SLC2A5: variants seen among roughly 807,000 people sequenced by gnomAD.
SLC2A5 encodes solute carrier family 2, facilitated glucose transporter member 5.
A neutral mutation model predicts 50.3 loss-of-function variants in SLC2A5; 56 were observed. That is an observed-to-expected ratio of 1.11 (90% CI 0.90 to 1.39). SLC2A5 has a LOEUF of 1.39. Ranked by LOEUF, SLC2A5 falls within the 40% of genes most tolerant of loss-of-function variation. SLC2A5 has a pLI of 0.00. For missense variants in SLC2A5, 566 were observed against 650.1 expected, an observed-to-expected ratio of 0.87 and a Z score of 1.41; for synonymous variants, 269 against 281.9, an observed-to-expected ratio of 0.95 and a Z score of 0.46.
At chr1:9,090,019 C>A (rs769900491), upstream of SLC2A5, among the ~76,000 whole-genome samples, 1 of 152,148 alleles carries the variant, frequency 6.6e-6, no homozygotes, top group Non-Finnish European at 1.5e-5. Flanking sequence ...AACATTCATC[C>A]GTTTCTGTTG....
chr1:9,042,041 A>G, intron 4 of SLC2A5, 104 bp from the exon 5 acceptor site: 12 of 1,424,486 alleles, frequency 8.4e-6, no homozygotes, highest in Non-Finnish European at 1.1e-5. Context: ...TTGGGCCAGA[A>G]CTCTCTCAAA....
chr1:9,079,059 T>C (rs1312121147), intron 2 of SLC2A5, among the ~76,000 whole-genome samples: 1 of 152,100 alleles, frequency 6.6e-6, no homozygotes, highest in Non-Finnish European at 1.5e-5. Context: ...CTTCCTCTTC[T>C]GTGAAAAGCC....
chr1:9,056,297 G>A (rs903953419), intron 3 of SLC2A5, among the ~76,000 whole-genome samples: 28 of 152,078 alleles, frequency 1.8e-4, no homozygotes, highest in Admixed American at 1.6e-3. Context: ...GCAATTCTCC[G>A]GCCTCAGCCT....
At chr1:9,054,464 A>G (rs982482455) in intron 3 of SLC2A5, among the ~76,000 whole-genome samples, 1 of 152,212 alleles carries the variant, frequency 6.6e-6, no homozygotes, top group East Asian at 1.9e-4. Flanking sequence ...CTGACTTAAA[A>G]TTTTAAATGG....
chr1:9,051,466 C>A (rs1374380836), intron 3 of SLC2A5, among the ~76,000 whole-genome samples: 1 of 152,112 alleles, frequency 6.6e-6, no homozygotes, highest in African/African-American at 2.4e-5. Context: ...AGAAAACAAA[C>A]AACCCAATTT....
In SLC2A5 at chr1:9,047,725, G is replaced by C; in HGVS notation, c.303C>G (p.Ala101=). ...TAGAAAATATGTTGTTGAACAGCAA[G>C]GCCCCTTTTCTGCAGAGGACAAAAT... The part of the protein sequence containing the change: ...PLVNKFGRKG[A]LLFNNIFSIV... Residue 101 remains alanine (A), a synonymous_variant, in exon 4 of 12, where the codon GCC becomes GCG. Transcript: ENST00000377424. 6.2e-7 allele frequency: 1 copy of C among 1,613,484 alleles called. No homozygotes were observed. Among genetic ancestry groups the C allele is most frequent in the Non-Finnish European group, 8.5e-7 (1 of 1,179,734 alleles).
In SLC2A5 at chr1:9,038,815, G is replaced by A; in HGVS notation, c.1098+13C>T. 1 of 1,587,140 alleles carries A rather than the reference G, an allele frequency of 6.3e-7. No individual in the cohort carries two copies. The highest frequency in any genetic ancestry group is 8.6e-7 in the Non-Finnish European group (1 of 1,167,328). On this transcript the variant is annotated intron_variant, in intron 9 of 11. Transcript: ENST00000377424. Reference sequence around the variant, plus strand: ...TGCAGCTCCGGGCTCCTGGGACCCTGGCCTGTCCTCACCTGCAGTGCCAGA... The same window carrying A: ...TGCAGCTCCGGGCTCCTGGGACCCTAGCCTGTCCTCACCTGCAGTGCCAGA...
In SLC2A5 at chr1:9,057,447, C is replaced by G. The variant is rs748438471; in HGVS notation, c.293+1G>C. On this transcript the variant is annotated splice_donor_variant, in intron 3 of 11. Transcript: ENST00000377424. LOFTEE classifies it high-confidence loss of function. ...GGAATTAAAAATTCACCTTCCCTTA[C>G]CTGCCAAATTTATTCACCAAGGGGC... The G allele has an allele frequency of 1.9e-6, 3 of 1,608,030 alleles. No homozygotes were observed. The East Asian group carries it at 6.7e-5, about 36-fold the overall frequency.
At chr1:9,068,315 G>C (rs546777823) in intron 1 of SLC2A5, among the ~76,000 whole-genome samples, 1 of 151,964 alleles carries the variant, frequency 6.6e-6, no homozygotes, top group East Asian at 1.9e-4. Flanking sequence ...CCTATGAGGC[G>C]GTATGGTTAT....
chr1:9,038,213 C>T lies in SLC2A5; in HGVS notation c.1175-189G>A, dbSNP rs875995. 0.29 allele frequency among the ~76,000 whole-genome samples: 44,627 copies of T among 152,102 alleles called. 6,985 individuals carry two copies. The highest frequency in any genetic ancestry group is 0.4 in the African/African-American group (16,472 of 41,480). On this transcript the variant is annotated intron_variant, in intron 10 of 11. Coordinates refer to ENST00000377424, the MANE Select transcript of SLC2A5 (RefSeq NM_003039.3). ...GGCAGGCCAGCAACCACCCGTTAGG[C>T]CCACTCTGCTGCCTGCACAGTCTGT...
At chr1:9,068,710 C>T (rs1038465825) in intron 1 of SLC2A5, among the ~76,000 whole-genome samples, 5 of 152,100 alleles carry the variant, frequency 3.3e-5, no homozygotes, top group African/African-American at 9.7e-5. Context: ...CCTCAGCCTC[C>T]CAAGACCCAC....
At chr1:9,070,817 A>G (rs1642198037), upstream of SLC2A5, among the ~76,000 whole-genome samples, 1 of 151,436 alleles carries the variant, frequency 6.6e-6, no homozygotes, top group South Asian at 2.1e-4. Context: ...GACTGTGAGA[A>G]GCCTAGCAGC....
rs112267104 is a variant in SLC2A5 at position 9,056,121 on chromosome 1, A to G, written c.293+1327T>C. Among the ~76,000 whole-genome samples, 264 of 152,252 alleles carry G rather than the reference A, an allele frequency of 1.7e-3. 2 individuals are homozygous for G. The highest frequency in any genetic ancestry group is 6.1e-3 in the African/African-American group (255 of 41,552). On this transcript the variant is annotated intron_variant, in intron 3 of 11. Transcript: ENST00000377424. ...TTCTGCTCCATGAGGGCCCACAGGG[A>G]AAACTGTGGGTTCAACACTAATCTC...
chr1:9,041,728 G>C, intron 5 of SLC2A5, 57 bp downstream of exon 5: 1 of 1,613,712 alleles, frequency 6.2e-7, no homozygotes. Flanking sequence ...AACACAAGGA[G>C]GGGGCCAAGG....
rs549155274 is a variant in SLC2A5 at position 9,044,983 on chromosome 1, C to T, written c.418+2627G>A. On this transcript the variant is annotated intron_variant, in intron 4 of 11. Transcript: ENST00000377424. ...CCCCTAATGGCCAGTGTTCTCAAGC[C>T]GTGATCTGAGGACCCAGGGATCCCG... Among the ~76,000 whole-genome samples the T allele has an allele frequency of 9.8e-5, 15 of 152,294 alleles. No homozygotes were observed. The East Asian group carries it at 1.9e-3, about 20-fold the overall frequency.
At chr1:9,086,666 C>T (rs1204744809) in intron 1 of SLC2A5, among the ~76,000 whole-genome samples, 1 of 152,160 alleles carries the variant, frequency 6.6e-6, no homozygotes, top group East Asian at 1.9e-4. Flanking sequence ...GCTGGGATTA[C>T]AGGCGTCAGC....
intron 2 of SLC2A5, among the ~76,000 whole-genome samples, chr1:9,080,538 G>A (rs1388770559): frequency 6.6e-6 from 1 of 152,188 alleles, no homozygotes; most frequent in African/African-American, 2.4e-5. Flanking sequence ...TAACAGGTGT[G>A]AGGTGAGCTC....
chr1:9,079,336 C>T (rs1388787653), intron 2 of SLC2A5, among the ~76,000 whole-genome samples: 1 of 152,104 alleles, frequency 6.6e-6, no homozygotes, highest in East Asian at 1.9e-4. Flanking sequence ...CCTCGCCTAT[C>T]AGAGAGTGCA....
intron 2 of SLC2A5, chr1:9,082,768 A>G (rs986995888): frequency 1.2e-5 from 5 of 427,584 alleles, no homozygotes; most frequent in Non-Finnish European, 2.2e-5. Context: ...AGGCAGCCCA[A>G]CCCTGACCTA....
Sources: allele counts gnomAD v4.1 joint callset (sites outside exome capture counted in the v4.1 genomes callset), GRCh38; gene constraint gnomAD v4.1.1; transcripts MANE v1.5; gene names NCBI Gene and HGNC (gene_info 2026-07-23, HGNC 2026-07-21).